The following LRRTM3 variants were observed in gnomAD, a reference collection of about 807,000 sequenced individuals.
LRRTM3 encodes the protein leucine rich repeat transmembrane neuronal 3, also known as leucine-rich repeat transmembrane neuronal protein 3.
A neutral mutation model predicts 44.7 loss-of-function variants in LRRTM3; 24 were observed. The ratio of observed to expected loss-of-function variants is 0.54; its 90% CI spans 0.39 to 0.76. LRRTM3 has a LOEUF of 0.76. Among genes scored for constraint, LRRTM3 ranks in the 30% least tolerant of loss-of-function variants. The pLI, the probability that LRRTM3 is intolerant of heterozygous loss-of-function variation, is 0.00. For missense variants in LRRTM3, 587 were observed against 702.2 expected (o/e 0.84, Z 1.85); for synonymous variants, 277 against 278.7 (o/e 0.99, Z 0.06).
intron 2 of LRRTM3, among the ~76,000 whole-genome samples, chr10:67,027,509 A>G (rs1025980264): frequency 7.2e-6 from 1 of 139,028 alleles, no homozygotes; most frequent in Non-Finnish European, 1.5e-5. Context: ...ATCTCGGCTC[A>G]CTGCAACCTC....
chr10:67,015,903 T>G (rs777432511), intron 2 of LRRTM3, among the ~76,000 whole-genome samples: 1 of 152,100 alleles, frequency 6.6e-6, no homozygotes, highest in South Asian at 2.1e-4. Flanking sequence ...GTGACTTTGT[T>G]TTCAATCAAG....
intron 2 of LRRTM3, among the ~76,000 whole-genome samples, chr10:67,095,154 A>C (rs921138167): frequency 6.6e-6 from 1 of 151,576 alleles, no homozygotes; most frequent in Non-Finnish European, 1.5e-5. Context: ...GGAAAAATCT[A>C]CTGTGATGCT....
intron 2 of LRRTM3, among the ~76,000 whole-genome samples, chr10:67,073,512 T>A (rs972542928): frequency 3.9e-5 from 6 of 151,900 alleles, no homozygotes; most frequent in Non-Finnish European, 8.8e-5. Flanking sequence ...TTTGTCAACA[T>A]CCCTCTTAAA....
chr10:67,059,797 T>C (rs976621465), intron 2 of LRRTM3, among the ~76,000 whole-genome samples: 3 of 152,200 alleles, frequency 2.0e-5, no homozygotes, highest in Admixed American at 6.5e-5. Context: ...TAGGAGTCCA[T>C]GACTTTTATT....
intron 2 of LRRTM3, among the ~76,000 whole-genome samples, chr10:66,930,705 C>G (rs1225251923): frequency 6.6e-6 from 1 of 152,044 alleles, no homozygotes; most frequent in East Asian, 1.9e-4. Context: ...TCCTAAAATT[C>G]AAAGCTACTT....
chr10:67,046,471 C>T (rs959563006), intron 2 of LRRTM3, among the ~76,000 whole-genome samples: 3 of 152,166 alleles, frequency 2.0e-5, no homozygotes, highest in Non-Finnish European at 4.4e-5. Flanking sequence ...AGCTAATAGA[C>T]ATTGCCACGA....
chr10:66,942,405 T>C (rs1012728665), intron 2 of LRRTM3, among the ~76,000 whole-genome samples: 5 of 152,210 alleles, frequency 3.3e-5, no homozygotes, highest in African/African-American at 1.2e-4. Context: ...TCTGTAACAA[T>C]GTTGTTCAGC....
chr10:66,935,651 T>C (rs1196759255), intron 2 of LRRTM3, among the ~76,000 whole-genome samples: 1 of 152,042 alleles, frequency 6.6e-6, no homozygotes. Context: ...TATATTTTCC[T>C]ATTAGGTGAA....
chr10:67,076,707 G>C (rs900145783), intron 2 of LRRTM3, among the ~76,000 whole-genome samples: 3 of 152,060 alleles, frequency 2.0e-5, no homozygotes, highest in African/African-American at 7.2e-5. Context: ...ATGGTACAGG[G>C]GACTGAATTT....
chr10:67,064,056 G>A (rs184322347), intron 2 of LRRTM3, among the ~76,000 whole-genome samples: 7 of 152,130 alleles, frequency 4.6e-5, no homozygotes, highest in Non-Finnish European at 8.8e-5. Flanking sequence ...TATACCTGAC[G>A]CTTCAGCTTT....
At chr10:67,001,705 A>T (rs1266964892) in intron 2 of LRRTM3, among the ~76,000 whole-genome samples, 2 of 152,124 alleles carry the variant, frequency 1.3e-5, no homozygotes. Flanking sequence ...AATTTACAAA[A>T]CTGTGATTTA....
chr10:66,993,411 T>A, intron 2 of LRRTM3, among the ~76,000 whole-genome samples: 1 of 152,180 alleles, frequency 6.6e-6, no homozygotes, highest in East Asian at 1.9e-4. Context: ...AGTGGCAATG[T>A]CACTTTGCTA....
chr10:67,007,076 G>A (rs1852036307), intron 2 of LRRTM3, among the ~76,000 whole-genome samples: 2 of 152,122 alleles, frequency 1.3e-5, no homozygotes, highest in African/African-American at 2.4e-5. Flanking sequence ...GATTACAGGC[G>A]TGAGCCACCA....
intron 2 of LRRTM3, among the ~76,000 whole-genome samples, chr10:66,985,950 T>C (rs1005123672): frequency 1.3e-5 from 2 of 152,038 alleles, no homozygotes; most frequent in African/African-American, 4.8e-5. Context: ...ATGGTCTCGA[T>C]CTCCTGACCT....
At chr10:67,035,406 G>T (rs1301606185) in intron 2 of LRRTM3, among the ~76,000 whole-genome samples, 1 of 152,214 alleles carries the variant, frequency 6.6e-6, no homozygotes, top group African/African-American at 2.4e-5. Flanking sequence ...ATTTATATGC[G>T]TTATTTAAAG....
intron 2 of LRRTM3, among the ~76,000 whole-genome samples, chr10:67,056,259 C>T (rs972810511): frequency 3.3e-5 from 5 of 152,194 alleles, no homozygotes; most frequent in Non-Finnish European, 7.4e-5. Flanking sequence ...TGTGGACCCA[C>T]TAGGATGTGT....
intron 2 of LRRTM3, among the ~76,000 whole-genome samples, chr10:66,942,237 A>G (rs1009047194): frequency 2.0e-5 from 3 of 152,204 alleles, no homozygotes; most frequent in African/African-American, 4.8e-5. Flanking sequence ...AAATTCTCAC[A>G]TTAAACACAT....
intron 2 of LRRTM3, among the ~76,000 whole-genome samples, chr10:67,051,589 G>C (rs927751823): frequency 6.6e-6 from 1 of 150,520 alleles, no homozygotes; most frequent in African/African-American, 2.5e-5. Context: ...TCAGGAGATG[G>C]TCTCGATCTT....
Position 66,929,942 on chromosome 10 carries a change from G to C in LRRTM3, c.1536+1490G>C, listed in dbSNP as rs542006685. Among the ~76,000 whole-genome samples, 6 of 152,292 alleles carry C rather than the reference G, an allele frequency of 3.9e-5. No individual in the cohort carries two copies. The South Asian group carries it at 1.2e-3, about 32-fold the overall frequency. On this transcript the variant is annotated intron_variant, in intron 2 of 2. Coordinates refer to ENST00000361320, the MANE Select transcript of LRRTM3 (RefSeq NM_178011.5). ...AGCAAATATCAGGAACTGCAACATT[G>C]AGGCTGTTTCATTTAATTTGGCTTG...
Sources: allele counts gnomAD v4.1 joint callset (sites outside exome capture counted in the v4.1 genomes callset), GRCh38; gene constraint gnomAD v4.1.1; transcripts MANE v1.5; gene names NCBI Gene and HGNC (gene_info 2026-07-23, HGNC 2026-07-21).